The following SYCP1 variants were observed in gnomAD, a reference collection of about 807,000 sequenced individuals.
SYCP1 encodes synaptonemal complex protein 1.
Under a neutral mutation model 153.1 loss-of-function variants are expected in SYCP1, and 64 were observed. The ratio of observed to expected loss-of-function variants is 0.42; its 90% confidence interval spans 0.34 to 0.51. SYCP1 has a LOEUF of 0.51. Ranked by LOEUF, SYCP1 falls within the 20% of genes least tolerant of loss-of-function variation. The pLI, the probability that SYCP1 is intolerant of heterozygous loss-of-function variation, is 0.06. For missense variants in SYCP1, 997 were observed against 1,049.0 expected (o/e 0.95, Z 0.68); for synonymous variants, 384 against 341.8 (o/e 1.12, Z -1.36).
At chr1:114,902,448 G>A (rs1667528427) in intron 16 of SYCP1, among the ~76,000 whole-genome samples, 1 of 150,944 alleles carries the variant, frequency 6.6e-6, no homozygotes. Flanking sequence ...TGGGTGAAAA[G>A]GACAAAAAGG....
At chr1:114,896,272 C>T (rs1667054664) in intron 16 of SYCP1, among the ~76,000 whole-genome samples, 1 of 152,104 alleles carries the variant, frequency 6.6e-6, no homozygotes, top group African/African-American at 2.4e-5. Context: ...CCTTGGGGAG[C>T]ATTATTTTAA....
At chr1:114,953,588 CT>C (rs1365970389) in intron 27 of SYCP1, among the ~76,000 whole-genome samples, 1 of 152,186 alleles carries the variant, frequency 6.6e-6, no homozygotes, top group Non-Finnish European at 1.5e-5. Context: ...TACTTTCAAA[CT>C]TTTGTCAAAA....
At chr1:114,973,632 T>C (rs1295645708) in intron 27 of SYCP1, among the ~76,000 whole-genome samples, 1 of 151,816 alleles carries the variant, frequency 6.6e-6, no homozygotes, top group East Asian at 1.9e-4. Context: ...GATTATAGCA[T>C]GAGATTGTAT....
At chr1:114,891,708 A>T (rs1321488463) in intron 15 of SYCP1, among the ~76,000 whole-genome samples, 1 of 152,112 alleles carries the variant, frequency 6.6e-6, no homozygotes, top group East Asian at 1.9e-4. Context: ...TCAATTTGGT[A>T]TGTAACAGAT....
intron 20 of SYCP1, among the ~76,000 whole-genome samples, chr1:114,922,725 C>T (rs2101724038): frequency 6.6e-6 from 1 of 152,202 alleles, no homozygotes; most frequent in East Asian, 1.9e-4. Flanking sequence ...ATCTCATGTA[C>T]TTTTCACATT....
intron 30 of SYCP1, among the ~76,000 whole-genome samples, chr1:114,988,980 A>G (rs1369365869): frequency 6.6e-6 from 1 of 151,894 alleles, no homozygotes; most frequent in African/African-American, 2.4e-5. Context: ...CAGCCTGGGT[A>G]ACACAATGAG....
chr1:114,875,244 G>T (rs1374898936), intron 9 of SYCP1, among the ~76,000 whole-genome samples: 1 of 150,548 alleles, frequency 6.6e-6, no homozygotes, highest in Non-Finnish European at 1.5e-5. Flanking sequence ...GGTCCAGTAG[G>T]GTAGAGACTT....
chr1:114,904,932 A>G (rs79231561), intron 16 of SYCP1, among the ~76,000 whole-genome samples: 7,313 of 152,176 alleles, frequency 0.048, 220 homozygotes, highest in African/African-American at 0.064. Flanking sequence ...TTTCTGTGTC[A>G]ATTTATATGA....
intron 20 of SYCP1, among the ~76,000 whole-genome samples, chr1:114,920,297 C>A (rs1668783610): frequency 1.3e-5 from 2 of 151,946 alleles, no homozygotes; most frequent in Admixed American, 1.3e-4. Flanking sequence ...TTTCAAAATT[C>A]TTCTTGTTAT....
rs183784655 is a variant in SYCP1 at position 114,939,836 on chromosome 1, G to C, written c.1927-4503G>C. Reference sequence around the variant, plus strand: ...CGAAAGCTACTGGGCCTAGAGTTCTGTTTATGCAAAGGCTTTTAATTTCTG... The same window carrying C: ...CGAAAGCTACTGGGCCTAGAGTTCTCTTTATGCAAAGGCTTTTAATTTCTG... On this transcript the variant is annotated intron_variant, in intron 23 of 31. Transcript: ENST00000369522. Among the ~76,000 whole-genome samples, 158 of 152,296 alleles carry C rather than the reference G, an allele frequency of 1.0e-3. 2 individuals are homozygous for C. The highest frequency in any genetic ancestry group is 3.7e-3 in the African/African-American group (153 of 41,572).
intron 15 of SYCP1, among the ~76,000 whole-genome samples, chr1:114,895,207 G>A (rs1666977804): frequency 6.6e-6 from 1 of 151,940 alleles, no homozygotes; most frequent in Non-Finnish European, 1.5e-5. Flanking sequence ...TGCTTATTTT[G>A]CTTTATGAAC....
At position 114,936,845 on chromosome 1, in the gene SYCP1, G is replaced by A. The variant is rs140328416; in HGVS notation, c.1927-7494G>A. ...TAGGAATCCAACTTACAAGGGATGC[G>A]AAGGACCTCTTCAAGGAGAACTACA... On this transcript the variant is annotated intron_variant, in intron 23 of 31. Coordinates refer to ENST00000369522, the MANE Select transcript of SYCP1 (RefSeq NM_003176.4). 8.1e-3 allele frequency among the ~76,000 whole-genome samples: 1,230 copies of A among 152,258 alleles called. 45 individuals carry two copies. The highest frequency in any genetic ancestry group is 0.062 in the Admixed American group (942 of 15,296).
At chr1:114,930,779 A>G (rs1329641501) in intron 23 of SYCP1, among the ~76,000 whole-genome samples, 2 of 151,964 alleles carry the variant, frequency 1.3e-5, no homozygotes, top group Admixed American at 1.3e-4. Context: ...TTATAATAAA[A>G]GAAAATTACA....
At chr1:114,898,614 A>C (rs1476485234) in intron 16 of SYCP1, among the ~76,000 whole-genome samples, 1 of 152,206 alleles carries the variant, frequency 6.6e-6, no homozygotes, top group Non-Finnish European at 1.5e-5. Context: ...AAGTAATGAC[A>C]AATGTATGAT....
intron 16 of SYCP1, chr1:114,910,188 T>A: frequency 3.0e-6 from 1 of 332,326 alleles, no homozygotes. Flanking sequence ...ACTAAACAAT[T>A]AATTATTGTG....
At chr1:114,948,120 T>C (rs1304230980) in intron 27 of SYCP1, among the ~76,000 whole-genome samples, 1 of 152,050 alleles carries the variant, frequency 6.6e-6, no homozygotes, top group African/African-American at 2.4e-5. Context: ...TGCTTATATA[T>C]TTAGATATGC....
At chr1:114,932,524 T>A (rs952094398) in intron 23 of SYCP1, among the ~76,000 whole-genome samples, 1 of 152,148 alleles carries the variant, frequency 6.6e-6, no homozygotes, top group African/African-American at 2.4e-5. Context: ...CATTTCCAAC[T>A]GAGGTACTGG....
chr1:114,938,536 T>G (rs1454523925), intron 23 of SYCP1, among the ~76,000 whole-genome samples: 3 of 151,858 alleles, frequency 2.0e-5, no homozygotes, highest in Non-Finnish European at 4.4e-5. Flanking sequence ...ACCCTAGAAC[T>G]TAAAGTATAA....
At chr1:114,986,779 A>T (rs1673543128) in intron 30 of SYCP1, among the ~76,000 whole-genome samples, 1 of 152,038 alleles carries the variant, frequency 6.6e-6, no homozygotes, top group Admixed American at 6.6e-5. Flanking sequence ...TACTGGCAGA[A>T]ACTGTCTGAA....
Sources: allele counts gnomAD v4.1 joint callset (sites outside exome capture counted in the v4.1 genomes callset), GRCh38; gene constraint gnomAD v4.1.1; transcripts MANE v1.5; gene names NCBI Gene and HGNC (gene_info 2026-07-23, HGNC 2026-07-21).